CNTN4: variants seen among roughly 807,000 people sequenced by gnomAD.
CNTN4 encodes the protein contactin-4.
Under a neutral mutation model 122.5 loss-of-function variants are expected in CNTN4, and 77 were observed. The observed-to-expected ratio is 0.63, with a 90% confidence interval of 0.52 to 0.76. CNTN4 has a LOEUF of 0.76. Ranked by LOEUF, CNTN4 falls within the 30% of genes least tolerant of loss-of-function variation. The pLI, the probability that CNTN4 is intolerant of heterozygous loss-of-function variation, is 0.00. For missense variants in CNTN4, 1,256 were observed against 1,259.1 expected (o/e 1.00, Z 0.04); for synonymous variants, 512 against 447.0 (o/e 1.15, Z -1.83).
At chr3:2,473,682 C>T (rs534845205) in intron 3 of CNTN4, among the ~76,000 whole-genome samples, 1 of 152,244 alleles carries the variant, frequency 6.6e-6, no homozygotes, top group South Asian at 2.1e-4. Context: ...CCCTTGCATT[C>T]TTCTCATAAG....
At chr3:2,165,947 A>G (rs1037269609) in intron 2 of CNTN4, among the ~76,000 whole-genome samples, 2 of 152,158 alleles carry the variant, frequency 1.3e-5, no homozygotes, top group East Asian at 1.9e-4. Flanking sequence ...ATATACCACA[A>G]TTGTGATGGG....
At chr3:2,362,386 C>G (rs1001935912) in intron 3 of CNTN4, 7 of 333,096 alleles carry the variant, frequency 2.1e-5, no homozygotes, top group Non-Finnish European at 4.1e-5. Flanking sequence ...CAAGGCCCAG[C>G]GGGCAATTCC....
rs535063851 is a variant in CNTN4 at position 2,117,917 on chromosome 3, C to G, written c.-145+17278C>G. Among the ~76,000 whole-genome samples, 47 of 152,288 alleles carry G rather than the reference C, an allele frequency of 3.1e-4. No homozygotes were observed. In the South Asian group the frequency reaches 9.5e-3, roughly 31 times the overall value. On this transcript the variant is annotated intron_variant, in intron 2 of 24. Transcript: ENST00000418658. Reference sequence around the variant, plus strand: ...CTGTCAGGTGGTTTTACTCAACTTACATATGTATCATCCTATGTTTAGAGC... The same window carrying G: ...CTGTCAGGTGGTTTTACTCAACTTAGATATGTATCATCCTATGTTTAGAGC...
At chr3:2,393,512 A>G (rs1200631013) in intron 3 of CNTN4, among the ~76,000 whole-genome samples, 1 of 152,132 alleles carries the variant, frequency 6.6e-6, no homozygotes, top group Non-Finnish European at 1.5e-5. Context: ...CTATTCTACT[A>G]TACTTAGAGA....
intron 4 of CNTN4, among the ~76,000 whole-genome samples, chr3:2,665,597 GA>G (rs1265649172): frequency 6.6e-6 from 1 of 152,242 alleles, no homozygotes; most frequent in Non-Finnish European, 1.5e-5. Context: ...AAACCTGGGT[GA>G]AAAAATTGGA....
At chr3:3,000,819 C>A (rs1377529481) in intron 14 of CNTN4, among the ~76,000 whole-genome samples, 3 of 151,920 alleles carry the variant, frequency 2.0e-5, no homozygotes, top group African/African-American at 4.8e-5. Flanking sequence ...CAAAAGCATA[C>A]CCCTAGGTTG....
chr3:2,743,823 G>A (rs139474819), intron 5 of CNTN4, among the ~76,000 whole-genome samples: 1 of 152,092 alleles, frequency 6.6e-6, no homozygotes, highest in East Asian at 1.9e-4. Context: ...TTTTTGTTTT[G>A]AGATGAGGTC....
chr3:2,882,342 G>C (rs1468015488), intron 8 of CNTN4, among the ~76,000 whole-genome samples: 1 of 151,956 alleles, frequency 6.6e-6, no homozygotes, highest in East Asian at 1.9e-4. Flanking sequence ...CTCTAGCCTG[G>C]GTGACAGAGC....
At chr3:2,890,475 G>T (rs1377813305) in intron 10 of CNTN4, among the ~76,000 whole-genome samples, 1 of 152,208 alleles carries the variant, frequency 6.6e-6, no homozygotes, top group Non-Finnish European at 1.5e-5. Flanking sequence ...CCATGGGTTT[G>T]AGCTTAGAAA....
chr3:2,257,600 A>G (rs1370702508), intron 2 of CNTN4, among the ~76,000 whole-genome samples: 4 of 152,218 alleles, frequency 2.6e-5, no homozygotes, highest in Non-Finnish European at 1.5e-5. Flanking sequence ...AGAAAAAAGC[A>G]ACCCCATCAA....
Position 2,186,523 on chromosome 3 carries a change from T to C in CNTN4, c.-145+85884T>C, listed in dbSNP as rs1437891966. ...ATTGCCACACTGTCTTCCACAATGG[T>C]TGAACTAGTTTACAGTCCCACCAGC... is the stretch of plus-strand genomic sequence containing the variant. On this transcript the variant is annotated intron_variant, in intron 2 of 24. Transcript: ENST00000418658. 3.9e-5 allele frequency among the ~76,000 whole-genome samples: 6 copies of C among 152,336 alleles called. No homozygotes were observed. In the East Asian group the frequency reaches 5.8e-4, roughly 15 times the overall value.
intron 13 of CNTN4, among the ~76,000 whole-genome samples, chr3:2,938,335 G>GTT (rs1031314865): frequency 5.5e-5 from 8 of 146,306 alleles, no homozygotes; most frequent in African/African-American, 1.3e-4. Flanking sequence ...CCCAGCGCTT[G>GTT]TTTTTTTTTT....
At chr3:2,730,113 G>C (rs1410481673) in intron 4 of CNTN4, among the ~76,000 whole-genome samples, 3 of 152,076 alleles carry the variant, frequency 2.0e-5, no homozygotes, top group Non-Finnish European at 4.4e-5. Flanking sequence ...AGGTGTTTCA[G>C]ACTTTGGTTT....
At chr3:2,891,683 G>C (rs1452528460) in intron 10 of CNTN4, among the ~76,000 whole-genome samples, 1 of 152,174 alleles carries the variant, frequency 6.6e-6, no homozygotes, top group Non-Finnish European at 1.5e-5. Context: ...CAGCAGGGAA[G>C]TCAGTGTTAA....
chr3:2,120,746 G>C (rs544703681), intron 2 of CNTN4, among the ~76,000 whole-genome samples: 1 of 152,008 alleles, frequency 6.6e-6, no homozygotes, highest in African/African-American at 2.4e-5. Flanking sequence ...CACGAGTGTG[G>C]ACTGCTAGCT....
rs1012831901 is a variant in CNTN4, at chr3:2,417,578, C to A, written c.-89+78345C>A. On this transcript the variant is annotated intron_variant, in intron 3 of 24. Transcript: ENST00000418658. ...ACTAGCTAATAAAATGAGATTAGAA[C>A]CTTCAAAACTAAACATCCTCTTATG... Among the ~76,000 whole-genome samples the A allele has an allele frequency of 2.8e-4, 43 of 152,170 alleles. 2 individuals are homozygous for A.
At chr3:2,496,660 A>G (rs2076460607) in intron 3 of CNTN4, among the ~76,000 whole-genome samples, 1 of 152,160 alleles carries the variant, frequency 6.6e-6, no homozygotes, top group Non-Finnish European at 1.5e-5. Context: ...AAAGAATAGA[A>G]GAAGAGCTGA....
intron 4 of CNTN4, among the ~76,000 whole-genome samples, chr3:2,680,621 C>G (rs2085114765): frequency 1.3e-5 from 2 of 152,176 alleles, no homozygotes; most frequent in African/African-American, 2.4e-5. Context: ...TAACGGTCTA[C>G]ACACATAATT....
At chr3:2,306,462 T>C (rs1265675434) in intron 2 of CNTN4, among the ~76,000 whole-genome samples, 2 of 152,224 alleles carry the variant, frequency 1.3e-5, no homozygotes, top group Non-Finnish European at 2.9e-5. Context: ...AAATGTCTGT[T>C]CAAATTTTTG....
Sources: gnomAD v4.1 joint callset for allele counts (sites outside exome capture counted in the v4.1 genomes callset) on GRCh38, gnomAD v4.1.1 for gene constraint, MANE v1.5 for transcripts, NCBI Gene and HGNC (gene_info 2026-07-23, HGNC 2026-07-21) for gene names.